Variants in ADAMTS12 observed in about 807,000 individuals in gnomAD.
ADAMTS12 encodes the protein A disintegrin and metalloproteinase with thrombospondin motifs 12.
In ADAMTS12, 118 loss-of-function variants were observed where a neutral mutation model predicts 167.8. That is an observed-to-expected ratio of 0.70 (90% CI 0.61 to 0.82). The LOEUF (loss-of-function observed/expected upper bound fraction) is 0.82. Among genes scored for constraint, ADAMTS12 ranks in the 40% least tolerant of loss-of-function variants. The pLI is 0.00. For missense variants in ADAMTS12, 1,916 were observed against 1,998.8 expected (o/e 0.96, Z 0.79); for synonymous variants, 704 against 716.9 (o/e 0.98, Z 0.29).
intron 1 of ADAMTS12, among the ~76,000 whole-genome samples, chr5:33,883,833 T>C (rs1750544960): frequency 2.0e-5 from 3 of 152,208 alleles, no homozygotes; most frequent in Admixed American, 2.0e-4. Flanking sequence ...TCCTCTCTCC[T>C]GTCCACTCAC....
chr5:33,664,971 C>T (rs963959339), intron 5 of ADAMTS12, among the ~76,000 whole-genome samples: 8 of 151,798 alleles, frequency 5.3e-5, no homozygotes, highest in South Asian at 2.1e-4. Flanking sequence ...ATGGAACAAA[C>T]GTGCCCACCC....
chr5:33,696,420 CAAAAA>C (rs71600922), intron 3 of ADAMTS12, among the ~76,000 whole-genome samples: 1 of 129,962 alleles, frequency 7.7e-6, no homozygotes, highest in Non-Finnish European at 1.6e-5. Context: ...GACTCCGTCT[CAAAAA>C]AAAAAAAAAA....
chr5:33,837,001 G>T (rs75185804), intron 2 of ADAMTS12, among the ~76,000 whole-genome samples: 1 of 152,208 alleles, frequency 6.6e-6, no homozygotes, highest in African/African-American at 2.4e-5. Context: ...TTCCTGCCTG[G>T]GCCTTCCAGA....
At chr5:33,543,475 T>C (rs1416749236) in intron 22 of ADAMTS12, among the ~76,000 whole-genome samples, 6 of 152,098 alleles carry the variant, frequency 3.9e-5, no homozygotes, top group Non-Finnish European at 8.8e-5. Flanking sequence ...ACTATTCCAA[T>C]CAATAGAAAA....
intron 19 of ADAMTS12, among the ~76,000 whole-genome samples, chr5:33,570,707 G>C (rs1229300584): frequency 6.6e-6 from 1 of 151,292 alleles, no homozygotes; most frequent in Non-Finnish European, 1.5e-5. Context: ...AAAATAACCA[G>C]CTAACATCAT....
chr5:33,821,539 G>T (rs928565663), intron 2 of ADAMTS12, among the ~76,000 whole-genome samples: 1 of 152,038 alleles, frequency 6.6e-6, no homozygotes, highest in Non-Finnish European at 1.5e-5. Context: ...TTTTTATTTT[G>T]ATCTGCATTA....
At chr5:33,870,226 T>C (rs1174685046) in intron 2 of ADAMTS12, among the ~76,000 whole-genome samples, 3 of 152,122 alleles carry the variant, frequency 2.0e-5, no homozygotes, top group Non-Finnish European at 4.4e-5. Flanking sequence ...CATCACAGGG[T>C]CCTGAGGCGA....
At chr5:33,657,809 G>C in intron 7 of ADAMTS12, among the ~76,000 whole-genome samples, 1 of 152,252 alleles carries the variant, frequency 6.6e-6, no homozygotes, top group South Asian at 2.1e-4. Flanking sequence ...AAAAATGTTA[G>C]GTTTTATGGC....
At chr5:33,806,126 T>C (rs913387185) in intron 2 of ADAMTS12, among the ~76,000 whole-genome samples, 2 of 152,246 alleles carry the variant, frequency 1.3e-5, no homozygotes, top group Non-Finnish European at 2.9e-5. Context: ...GCTACAAATC[T>C]GTTGTGAATT....
chr5:33,641,411 A>C (rs192682621), intron 11 of ADAMTS12, among the ~76,000 whole-genome samples: 7 of 152,368 alleles, frequency 4.6e-5, no homozygotes, highest in Non-Finnish European at 1.5e-5. Context: ...ATTCATTATC[A>C]TTGAAAGCAA....
intron 2 of ADAMTS12, among the ~76,000 whole-genome samples, chr5:33,833,695 C>T (rs996030246): frequency 3.3e-5 from 5 of 152,254 alleles, no homozygotes; most frequent in Admixed American, 6.5e-5. Flanking sequence ...TCTCAAAAAC[C>T]GTCCAAGCTT....
intron 19 of ADAMTS12, among the ~76,000 whole-genome samples, chr5:33,562,099 T>A (rs1745776165): frequency 6.6e-6 from 1 of 152,184 alleles, no homozygotes; most frequent in Non-Finnish European, 1.5e-5. Context: ...ATGAATCACC[T>A]GGGGACCTTG....
At chr5:33,546,778 A>G (rs756139141) in intron 21 of ADAMTS12, among the ~76,000 whole-genome samples, 11 of 152,258 alleles carry the variant, frequency 7.2e-5, no homozygotes, top group Admixed American at 2.6e-4. Context: ...GAATAATTCT[A>G]TAAGATACAT....
intron 3 of ADAMTS12, among the ~76,000 whole-genome samples, chr5:33,732,151 A>G (rs1056261886): frequency 7.2e-5 from 11 of 152,224 alleles, no homozygotes; most frequent in African/African-American, 2.7e-4. Flanking sequence ...GCCCAGCACC[A>G]GGAGCCAGAA....
At chr5:33,529,988 C>T (rs1450954293) in intron 23 of ADAMTS12, among the ~76,000 whole-genome samples, 5 of 152,280 alleles carry the variant, frequency 3.3e-5, no homozygotes, top group South Asian at 2.1e-4. Context: ...GGCACAATCT[C>T]GGCTCACTGC....
At chr5:33,663,131 C>T (rs1013426470) in intron 5 of ADAMTS12, among the ~76,000 whole-genome samples, 1 of 152,246 alleles carries the variant, frequency 6.6e-6, no homozygotes, top group South Asian at 2.1e-4. Context: ...TGTGAAAACA[C>T]CGAAAGGTGG....
intron 6 of ADAMTS12, 124 bp from the exon 7 acceptor site, chr5:33,658,457 A>G: frequency 8.7e-7 from 1 of 1,152,516 alleles, no homozygotes; most frequent in African/African-American, 1.5e-5. Context: ...CATTTTTTAA[A>G]AAGTCTACAT....
At chr5:33,678,219 C>T (rs1029345789) in intron 5 of ADAMTS12, among the ~76,000 whole-genome samples, 1 of 152,174 alleles carries the variant, frequency 6.6e-6, no homozygotes, top group African/African-American at 2.4e-5. Context: ...ATCCAAAGTC[C>T]TTATGTGGCC....
chr5:33,749,334 A>T (rs1418012469), intron 3 of ADAMTS12, among the ~76,000 whole-genome samples: 2 of 152,122 alleles, frequency 1.3e-5, no homozygotes, highest in Non-Finnish European at 2.9e-5. Context: ...GTGACTTGTG[A>T]GCTTGGCTAT....
Sources: allele counts gnomAD v4.1 joint callset (sites outside exome capture counted in the v4.1 genomes callset), GRCh38; gene constraint gnomAD v4.1.1; transcripts MANE v1.5; gene names NCBI Gene and HGNC (gene_info 2026-07-23, HGNC 2026-07-21).